The following OPCML variants were observed in gnomAD, a reference collection of about 807,000 sequenced individuals.
OPCML encodes opioid binding protein/cell adhesion molecule like.
Under a neutral mutation model 37.8 loss-of-function variants are expected in OPCML, and 13 were observed. The ratio of observed to expected loss-of-function variants is 0.34; its 90% CI spans 0.22 to 0.55. OPCML has a LOEUF of 0.55. Among genes scored for constraint, OPCML ranks in the 20% least tolerant of loss-of-function variants. OPCML has a pLI of 0.91. For missense variants in OPCML, 341 were observed against 435.6 expected (o/e 0.78, Z 1.93); for synonymous variants, 176 against 168.8 (o/e 1.04, Z -0.33).
chr11:133,287,488 G>T (rs10791289), intron 1 of OPCML, among the ~76,000 whole-genome samples: 1 of 146,284 alleles, frequency 6.8e-6, no homozygotes, highest in African/African-American at 2.5e-5. Context: ...CCACCAGACC[G>T]GAAACAGTAA....
At chr11:133,123,088 A>G (rs546167343) in intron 1 of OPCML, among the ~76,000 whole-genome samples, 21 of 152,334 alleles carry the variant, frequency 1.4e-4, no homozygotes, top group African/African-American at 2.6e-4. Flanking sequence ...TGCAGAATCA[A>G]TTCCCTCTCA....
chr11:132,691,897 C>A (rs1451142039), intron 2 of OPCML, among the ~76,000 whole-genome samples: 6 of 152,140 alleles, frequency 3.9e-5, no homozygotes, highest in Admixed American at 3.9e-4. Context: ...AGTCTAAGCT[C>A]CAGTTGACAG....
chr11:132,570,798 T>C lies in OPCML; in HGVS notation c.380-41612A>G, dbSNP rs1465660587. ...ATATATATATATATATATATATATA[T>C]ATATTTAGAGAGAGAGAGAGAGGAT... is the stretch of plus-strand genomic sequence containing the variant. On this transcript the variant is annotated intron_variant, in intron 3 of 7. Transcript: ENST00000524381. 2.6e-4 allele frequency among the ~76,000 whole-genome samples: 28 copies of C among 106,680 alleles called. 1 individual carries two copies. The highest frequency in any genetic ancestry group is 1.3e-3 in the African/African-American group (28 of 22,150). 70.0% of individuals were successfully genotyped at this position (106,680 alleles called of 152,430 possible).
chr11:133,458,077 C>A (rs1302080997), intron 1 of OPCML, among the ~76,000 whole-genome samples: 1 of 151,806 alleles, frequency 6.6e-6, no homozygotes, highest in African/African-American at 2.4e-5. Context: ...ACCCAGGAGG[C>A]AGAGGTTGCA....
chr11:133,361,552 G>C (rs1201689487), intron 1 of OPCML: 1 of 159,256 alleles, frequency 6.3e-6, no homozygotes, highest in African/African-American at 2.4e-5. Context: ...AGACAGGTCC[G>C]GGGCACCTGC....
At chr11:133,074,549 ACTTCAGAGGTCC>A (rs1948592262) in intron 1 of OPCML, among the ~76,000 whole-genome samples, 1 of 152,022 alleles carries the variant, frequency 6.6e-6, no homozygotes. Context: ...TCCAGGCCAG[ACTTCAGAGGTCC>A]TTGAGGTTGG....
chr11:132,777,436 G>C (rs1348442481), intron 2 of OPCML, among the ~76,000 whole-genome samples: 1 of 152,186 alleles, frequency 6.6e-6, no homozygotes, highest in Non-Finnish European at 1.5e-5. Flanking sequence ...TCCTTTATTG[G>C]TAAGGAACTG....
chr11:133,417,249 T>C (rs58228666), intron 1 of OPCML, among the ~76,000 whole-genome samples: 12,976 of 152,132 alleles, frequency 0.085, 1,612 homozygotes, highest in African/African-American at 0.27. Flanking sequence ...TTCATAGAAG[T>C]GCAGGTCAAA....
At chr11:132,950,997 T>A (rs1285042595) in intron 1 of OPCML, among the ~76,000 whole-genome samples, 1 of 152,190 alleles carries the variant, frequency 6.6e-6, no homozygotes, top group African/African-American at 2.4e-5. Flanking sequence ...TGTGATCACC[T>A]GCTGTGATCT....
At chr11:132,681,301 G>A (rs547886587) in intron 2 of OPCML, among the ~76,000 whole-genome samples, 4 of 152,254 alleles carry the variant, frequency 2.6e-5, no homozygotes, top group African/African-American at 7.2e-5. Flanking sequence ...ACCATCCCTG[G>A]CCTGCCCTGC....
intron 7 of OPCML, among the ~76,000 whole-genome samples, chr11:132,430,135 C>T (rs1347690675): frequency 6.6e-6 from 1 of 152,156 alleles, no homozygotes; most frequent in African/African-American, 2.4e-5. Flanking sequence ...AGGCCTGTGG[C>T]TGGAGGGAAG....
At chr11:132,813,713 T>C (rs1019301334) in intron 2 of OPCML, among the ~76,000 whole-genome samples, 3 of 152,168 alleles carry the variant, frequency 2.0e-5, no homozygotes, top group Non-Finnish European at 4.4e-5. Flanking sequence ...CCCTCATCAT[T>C]GCCTCTGTAA....
intron 1 of OPCML, among the ~76,000 whole-genome samples, chr11:133,130,946 T>G (rs1452395809): frequency 6.6e-6 from 1 of 152,130 alleles, no homozygotes; most frequent in Admixed American, 6.5e-5. Flanking sequence ...TGTCACTCCC[T>G]CACTGCCTCT....
chr11:133,078,188 A>G (rs1948652600), intron 1 of OPCML, among the ~76,000 whole-genome samples: 1 of 152,148 alleles, frequency 6.6e-6, no homozygotes, highest in Non-Finnish European at 1.5e-5. Context: ...AGGGGTGTGG[A>G]CGCACCGAGC....
At chr11:132,646,216 A>G (rs1941141737) in intron 3 of OPCML, among the ~76,000 whole-genome samples, 1 of 152,168 alleles carries the variant, frequency 6.6e-6, no homozygotes, top group Non-Finnish European at 1.5e-5. Flanking sequence ...TGTTCTCACA[A>G]CTCACCACTA....
intron 4 of OPCML, among the ~76,000 whole-genome samples, chr11:132,509,788 G>A (rs2096264949): frequency 6.6e-6 from 1 of 152,222 alleles, no homozygotes; most frequent in Non-Finnish European, 1.5e-5. Context: ...TGCAGGGGTG[G>A]GGCCCTCATG....
At position 132,631,997 on chromosome 11, in the gene OPCML, T is replaced by C. The variant is rs79430763; in HGVS notation, c.379+25090A>G. On this transcript the variant is annotated intron_variant, in intron 3 of 7. Coordinates refer to ENST00000524381, the MANE Select transcript of OPCML (RefSeq NM_001012393.5). ...TGAATTATAAGTTTTGTCCAGGTTT[T>C]CAGCTGGGTAACGAAACACGTAGCT... is the stretch of plus-strand genomic sequence containing the variant. Among the ~76,000 whole-genome samples the C allele has an allele frequency of 2.0e-5, 3 of 152,100 alleles. No individual in the cohort carries two copies. The South Asian group carries it at 6.2e-4, about 32-fold the overall frequency.
At chr11:133,267,083 G>T (rs1328948297) in intron 1 of OPCML, among the ~76,000 whole-genome samples, 2 of 152,172 alleles carry the variant, frequency 1.3e-5, no homozygotes, top group Admixed American at 6.5e-5. Flanking sequence ...CCCTAGAGAG[G>T]CTGTTTAGTA....
At chr11:133,471,279 G>A (rs1408158238) in intron 1 of OPCML, among the ~76,000 whole-genome samples, 1 of 152,186 alleles carries the variant, frequency 6.6e-6, no homozygotes, top group African/African-American at 2.4e-5. Context: ...CAGAAGAATG[G>A]AACGGATGCA....
Sources: allele counts gnomAD v4.1 joint callset (sites outside exome capture counted in the v4.1 genomes callset), GRCh38; gene constraint gnomAD v4.1.1; transcripts MANE v1.5; gene names NCBI Gene and HGNC (gene_info 2026-07-23, HGNC 2026-07-21).